The following MBTD1 variants were observed in gnomAD, a reference collection of about 807,000 sequenced individuals.
MBTD1 encodes the protein MBT domain-containing protein 1.
A neutral mutation model predicts 87.8 loss-of-function variants in MBTD1; 24 were observed. The ratio of observed to expected loss-of-function variants is 0.27; its 90% CI spans 0.20 to 0.38. The LOEUF is 0.38. Among genes scored for constraint, MBTD1 ranks in the 10% least tolerant of loss-of-function variants. MBTD1 has a pLI of 1.00. For missense variants in MBTD1, 436 were observed against 760.2 expected (o/e 0.57, Z 5.02); for synonymous variants, 237 against 248.6 (o/e 0.95, Z 0.44).
chr17:51,180,189 G>GT lies in MBTD1; in HGVS notation c.*386dup, dbSNP rs2050251209. 1 of 164,836 alleles carries GT rather than the reference G, an allele frequency of 6.1e-6. No homozygotes were observed. The highest frequency in any genetic ancestry group is 2.4e-5 in the African/African-American group (1 of 41,490). The allele number at this position is 164,836 out of a possible 1,614,324, so 10.2% of individuals were successfully genotyped here. On this transcript the variant is annotated 3_prime_UTR_variant, in exon 17 of 17. Transcript: ENST00000586178. The stretch of plus-strand genomic sequence containing the variant: ...CAACAGGTACCAAAAAGGTTCATTT[G>GT]TAATGACAGTTCATTTGCATTTAAC...
chr17:51,186,861 G>A (rs922924962), intron 16 of MBTD1, among the ~76,000 whole-genome samples: 13 of 151,976 alleles, frequency 8.6e-5, no homozygotes, highest in African/African-American at 3.1e-4. Context: ...CTTGAGATGG[G>A]ATAAAAACCC....
chr17:51,249,208 C>G lies in MBTD1; in HGVS notation c.-49+9935G>C, dbSNP rs560289658. ...CAGGGAGGTCAAGGCTGCAGTGAGC[C>G]GTGATCATGCCACTGTACTGCAGCC... On this transcript the variant is annotated intron_variant, in intron 2 of 16. Transcript: ENST00000586178. Among the ~76,000 whole-genome samples, 9 of 151,812 alleles carry G rather than the reference C, an allele frequency of 5.9e-5. No individual in the cohort carries two copies. The East Asian group carries it at 1.7e-3, about 29-fold the overall frequency.
At chr17:51,232,045 A>G (rs1281398225) in intron 2 of MBTD1, among the ~76,000 whole-genome samples, 1 of 152,056 alleles carries the variant, frequency 6.6e-6, no homozygotes, top group Non-Finnish European at 1.5e-5. Context: ...GATGAGTGAG[A>G]AAGAAGTTGA....
chr17:51,244,886 C>T (rs1274344539), intron 2 of MBTD1, among the ~76,000 whole-genome samples: 2 of 152,066 alleles, frequency 1.3e-5, no homozygotes, highest in Admixed American at 1.3e-4. Context: ...AAGATCTGGG[C>T]ACTTAATGCA....
chr17:51,247,084 T>C (rs543976776), intron 2 of MBTD1, among the ~76,000 whole-genome samples: 93 of 152,348 alleles, frequency 6.1e-4, no homozygotes, highest in African/African-American at 2.2e-3. Flanking sequence ...TACATGTGCA[T>C]ATGTGTGTAT....
At chr17:51,180,746 G>T in intron 16 of MBTD1, 52 bp from the exon 17 acceptor site, 1 of 927,442 alleles carries the variant, frequency 1.1e-6, no homozygotes, top group Non-Finnish European at 1.7e-6. Context: ...TAGAGTACTC[G>T]GATTGCCTGT....
chr17:51,191,940 T>A (rs1598292706), intron 16 of MBTD1: 1 of 403,116 alleles, frequency 2.5e-6, no homozygotes, highest in South Asian at 3.5e-5. Flanking sequence ...AGGTTTTACA[T>A]ATTATTTCAA....
chr17:51,202,971 T>A (rs773888477), intron 9 of MBTD1, 36 bp from the exon 10 acceptor site: 4 of 1,524,374 alleles, frequency 2.6e-6, no homozygotes, highest in Non-Finnish European at 3.6e-6. Context: ...TCGAAATTCA[T>A]GACAAAGGTC....
At chr17:51,202,670 T>C in intron 10 of MBTD1, 31 bp downstream of exon 10, 1 of 1,519,974 alleles carries the variant, frequency 6.6e-7, no homozygotes, top group Non-Finnish European at 9.1e-7. Flanking sequence ...CAATGATGCT[T>C]TTGACAGGAG....
intron 3 of MBTD1, among the ~76,000 whole-genome samples, chr17:51,221,738 T>C (rs983392070): frequency 3.3e-5 from 5 of 152,234 alleles, no homozygotes; most frequent in African/African-American, 7.2e-5. Flanking sequence ...GGCATTTACA[T>C]TGTATTAGCT....
intron 4 of MBTD1, among the ~76,000 whole-genome samples, chr17:51,219,741 A>G (rs1416941235): frequency 6.6e-6 from 1 of 152,264 alleles, no homozygotes; most frequent in African/African-American, 2.4e-5. Context: ...AATGCCTTTA[A>G]AAAGTAGTTT....
chr17:51,243,786 T>A (rs2054284075), intron 2 of MBTD1, among the ~76,000 whole-genome samples: 1 of 152,216 alleles, frequency 6.6e-6, no homozygotes. Context: ...CACAGCCTCC[T>A]GAGTAGCTGG....
intron 12 of MBTD1, among the ~76,000 whole-genome samples, chr17:51,199,121 A>G (rs530766223): frequency 6.6e-6 from 1 of 152,066 alleles, no homozygotes; most frequent in Non-Finnish European, 1.5e-5. Flanking sequence ...TTTTTGAGAC[A>G]GAGTTTTGCT....
intron 2 of MBTD1, among the ~76,000 whole-genome samples, chr17:51,232,519 C>G (rs984616247): frequency 3.3e-5 from 5 of 151,908 alleles, no homozygotes; most frequent in Middle Eastern, 3.4e-3. Context: ...AAACAAACAC[C>G]AACTTATTAG....
chr17:51,195,649 T>C (rs1037381901), intron 12 of MBTD1, among the ~76,000 whole-genome samples: 1 of 152,228 alleles, frequency 6.6e-6, no homozygotes, highest in Non-Finnish European at 1.5e-5. Flanking sequence ...CACGGCATCA[T>C]GAAACTGGGC....
intron 6 of MBTD1, among the ~76,000 whole-genome samples, chr17:51,210,085 T>G (rs1025397769): frequency 2.0e-5 from 3 of 152,062 alleles, no homozygotes; most frequent in African/African-American, 4.8e-5. Context: ...CACTGCAACC[T>G]CCGCCTCCTG....
intron 5 of MBTD1, 128 bp from the exon 6 acceptor site, chr17:51,217,544 T>C: frequency 1.9e-6 from 1 of 534,126 alleles, no homozygotes; most frequent in South Asian, 2.9e-5. Context: ...TTTCTTTATG[T>C]AAAGATCAAA....
chr17:51,182,218 G>A (rs147927277), intron 16 of MBTD1, among the ~76,000 whole-genome samples: 204 of 150,150 alleles, frequency 1.4e-3, no homozygotes, highest in African/African-American at 4.3e-3. Context: ...TCTGCCTCCC[G>A]GGTTCAAGTG....
At chr17:51,228,887 G>C (rs1280441894) in intron 2 of MBTD1, among the ~76,000 whole-genome samples, 1 of 135,378 alleles carries the variant, frequency 7.4e-6, no homozygotes, top group Non-Finnish European at 1.5e-5. Flanking sequence ...GACAGAGTAA[G>C]AGTCCTTCTC....
Sources: allele counts gnomAD v4.1 joint callset (sites outside exome capture counted in the v4.1 genomes callset), GRCh38; gene constraint gnomAD v4.1.1; transcripts MANE v1.5; gene names NCBI Gene and HGNC (gene_info 2026-07-23, HGNC 2026-07-21).